BRD7: variants seen among roughly 807,000 people sequenced by gnomAD.
The protein encoded by BRD7 is bromodomain containing 7.
Under a neutral mutation model 82.1 loss-of-function variants are expected in BRD7, and 15 were observed. The ratio of observed to expected loss-of-function variants is 0.18; its 90% confidence interval spans 0.12 to 0.28. The LOEUF (loss-of-function observed/expected upper bound fraction) is 0.28. Among genes scored for constraint, BRD7 ranks in the 10% least tolerant of loss-of-function variants. BRD7 has a pLI of 1.00. For missense variants in BRD7, 638 were observed against 779.9 expected, an observed-to-expected ratio of 0.82 and a Z score of 2.17; for synonymous variants, 232 against 266.9, an observed-to-expected ratio of 0.87 and a Z score of 1.27.
At chr16:50,366,812 T>G (rs1247879696) in intron 2 of BRD7, among the ~76,000 whole-genome samples, 2 of 151,944 alleles carry the variant, frequency 1.3e-5, no homozygotes, top group African/African-American at 4.8e-5. Context: ...CTACTATTAA[T>G]TAAAAAAAAC....
At chr16:50,319,758 C>T in intron 16 of BRD7, 129 bp downstream of exon 16, 2 of 1,177,166 alleles carry the variant, frequency 1.7e-6, no homozygotes, top group African/African-American at 1.5e-5. Context: ...ACTTGAGCAT[C>T]TACAGATTTT....
At chr16:50,339,257 T>G (rs938424241) in intron 6 of BRD7, among the ~76,000 whole-genome samples, 1 of 152,222 alleles carries the variant, frequency 6.6e-6, no homozygotes, top group Non-Finnish European at 1.5e-5. Context: ...TATAGTCACA[T>G]GTAGCTTAAT....
Position 50,368,797 on chromosome 16 carries a change from G to GC in BRD7, c.-24dup, listed in dbSNP as rs779040483. Reference sequence around the variant, plus strand: ...CATGTCCGACCGGGCCCCGGTGCCCGCCCCCCGCGCCAGGCCCAGGCCGTG... The same window carrying GC: ...CATGTCCGACCGGGCCCCGGTGCCCGCCCCCCCGCGCCAGGCCCAGGCCGTG... On this transcript the variant is annotated 5_prime_UTR_variant, in exon 1 of 17. Transcript: ENST00000394688. 9 of 1,513,488 alleles carry GC rather than the reference G, an allele frequency of 5.9e-6. No homozygotes were observed. The highest frequency in any genetic ancestry group is 2.4e-5 in the South Asian group (2 of 84,324). 93.8% of individuals were successfully genotyped at this position (1,513,488 alleles called of 1,614,324 possible). A position where few individuals can be genotyped will look rare whatever the true frequency, so the allele number is the denominator to read the frequency against.
chr16:50,347,343 C>G (rs1379972108), intron 5 of BRD7, among the ~76,000 whole-genome samples: 1 of 152,158 alleles, frequency 6.6e-6, no homozygotes, highest in African/African-American at 2.4e-5. Context: ...CCTTTGAAAA[C>G]TGGCACAAGA....
rs190797825 is a variant in BRD7 at position 50,321,516 on chromosome 16, G to A, written c.1500+466C>T. Among the ~76,000 whole-genome samples, 286 of 131,948 alleles carry A rather than the reference G, an allele frequency of 2.2e-3. 3 individuals carry two copies. Among genetic ancestry groups the A allele is most frequent in the African/African-American group, 7.4e-3 (260 of 35,150 alleles). The allele number at this position is 131,948 out of a possible 152,430, so 86.6% of individuals were successfully genotyped here. A position where few individuals can be genotyped will look rare whatever the true frequency, so the allele number is the denominator to read the frequency against. ...CAGGAGGCGGAGGTTGTAGTGAGCC[G>A]AGATTGTGCCACTGCACTCCAGCCT... is the stretch of plus-strand genomic sequence containing the variant. On this transcript the variant is annotated intron_variant, in intron 13 of 16. Transcript: ENST00000394688.
intron 10 of BRD7, 76 bp downstream of exon 10, chr16:50,326,208 A>G (rs1487778708): frequency 8.4e-7 from 1 of 1,190,680 alleles, no homozygotes; most frequent in Non-Finnish European, 1.2e-6. Context: ...CTAGTGAATA[A>G]AGCATAATCG....
chr16:50,333,278 A>G (rs1335023360), intron 8 of BRD7, among the ~76,000 whole-genome samples: 1 of 152,256 alleles, frequency 6.6e-6, no homozygotes, highest in African/African-American at 2.4e-5. Flanking sequence ...AAAAGAGGGT[A>G]AGATTAATCA....
intron 4 of BRD7, among the ~76,000 whole-genome samples, chr16:50,353,911 T>TTAA (rs551041562): frequency 1.1e-3 from 172 of 152,224 alleles, no homozygotes; most frequent in African/African-American, 3.9e-3. Flanking sequence ...AATAAATATT[T>TTAA]TAATAAAGAT....
Position 50,316,617 on chromosome 16 carries a change from G to A in BRD7, c.*2594C>T, listed in dbSNP as rs746346387. The A allele has an allele frequency of 1.3e-5, 2 of 152,298 alleles. No homozygotes were observed. The highest frequency in any genetic ancestry group is 2.4e-5 in the African/African-American group (1 of 41,418). The allele number at this position is 152,298 out of a possible 1,614,324, so 9.4% of individuals were successfully genotyped here. A position where few individuals can be genotyped will look rare whatever the true frequency, so the allele number is the denominator to read the frequency against. ...AGAGGCTCCTGGATCTGGGAAGCCC[G>A]CCCCCTCACAAATGCTGAGCCGTTC... On this transcript the variant is annotated 3_prime_UTR_variant, in exon 17 of 17. Transcript: ENST00000394688.
At chr16:50,362,662 AG>A (rs2038976808) in intron 2 of BRD7, among the ~76,000 whole-genome samples, 1 of 152,260 alleles carries the variant, frequency 6.6e-6, no homozygotes, top group African/African-American at 2.4e-5. Context: ...ACGAACCTTG[AG>A]GACATTGTGC....
At chr16:50,362,022 C>T (rs1327522702) in intron 2 of BRD7, among the ~76,000 whole-genome samples, 2 of 152,178 alleles carry the variant, frequency 1.3e-5, no homozygotes, top group Middle Eastern at 3.2e-3. Flanking sequence ...TCATGACTTA[C>T]AATCTTAGAA....
At chr16:50,322,323 A>G (rs1411548554) in intron 12 of BRD7, among the ~76,000 whole-genome samples, 1 of 152,228 alleles carries the variant, frequency 6.6e-6, no homozygotes, top group Non-Finnish European at 1.5e-5. Flanking sequence ...ATGTAAATAA[A>G]TGGTATCTGT....
At chr16:50,337,363 C>A (rs548743853) in intron 6 of BRD7, among the ~76,000 whole-genome samples, 1 of 149,372 alleles carries the variant, frequency 6.7e-6, no homozygotes, top group African/African-American at 2.5e-5. Flanking sequence ...CAGGTTCAAG[C>A]GATTCTCCTG....
chr16:50,326,252 G>A (rs914655876), intron 10 of BRD7, 32 bp downstream of exon 10: 1 of 1,562,700 alleles, frequency 6.4e-7, no homozygotes. Flanking sequence ...AAACAGAGAA[G>A]AGAAAAAATG....
At chr16:50,329,489 G>C (rs974667984) in intron 8 of BRD7, among the ~76,000 whole-genome samples, 2 of 152,214 alleles carry the variant, frequency 1.3e-5, no homozygotes, top group Admixed American at 6.5e-5. Flanking sequence ...AGCTAGTCAG[G>C]AGTGGAGGGA....
In BRD7 at chr16:50,316,980, G is replaced by A. The variant is rs2036828804; in HGVS notation, c.*2231C>T. ...AGATGATTATACAGGGTTGCAGATT[G>A]GGTGACTGACCAGACTTGTTGGGGT... On this transcript the variant is annotated 3_prime_UTR_variant, in exon 17 of 17. Coordinates refer to ENST00000394688, the MANE Select transcript of BRD7 (RefSeq NM_013263.5). 1 of 152,888 alleles carries A rather than the reference G, an allele frequency of 6.5e-6. No homozygotes were observed. The highest frequency in any genetic ancestry group is 2.1e-4 in the South Asian group (1 of 4,826). 9.5% of individuals were successfully genotyped at this position (152,888 alleles called of 1,614,324 possible). A position where few individuals can be genotyped will look rare whatever the true frequency, so the allele number is the denominator to read the frequency against.
intron 5 of BRD7, 122 bp downstream of exon 5, chr16:50,349,899 CAA>C (rs778370462): frequency 5.8e-5 from 56 of 968,310 alleles, no homozygotes; most frequent in Non-Finnish European, 7.9e-5. Flanking sequence ...CAGAAATAAA[CAA>C]AGATACTGGA....
At chr16:50,341,203 C>CAT (rs1457143400) in intron 5 of BRD7, among the ~76,000 whole-genome samples, 3 of 145,482 alleles carry the variant, frequency 2.1e-5, no homozygotes, top group East Asian at 3.9e-4. Flanking sequence ...CACACACACA[C>CAT]ACACACACAC....
At chr16:50,347,537 A>G (rs1220419961) in intron 5 of BRD7, among the ~76,000 whole-genome samples, 1 of 152,208 alleles carries the variant, frequency 6.6e-6, no homozygotes, top group Non-Finnish European at 1.5e-5. Context: ...AAATCTCCTT[A>G]AGCTGATAAG....
Sources: allele counts gnomAD v4.1 joint callset (sites outside exome capture counted in the v4.1 genomes callset), GRCh38; gene constraint gnomAD v4.1.1; transcripts MANE v1.5; gene names NCBI Gene and HGNC (gene_info 2026-07-23, HGNC 2026-07-21).